The following LRMDA variants were observed in gnomAD, a reference collection of about 807,000 sequenced individuals.
LRMDA encodes leucine-rich melanocyte differentiation-associated protein.
Under a neutral mutation model 29.8 loss-of-function variants are expected in LRMDA, and 18 were observed. The observed-to-expected ratio is 0.60, with a 90% CI of 0.42 to 0.90. LRMDA has a LOEUF of 0.90. LRMDA is among the 40% of genes least tolerant of loss of function. The probability of loss-of-function intolerance (pLI) is 0.00; values close to 1 mark genes in which losing one functional copy is unlikely to be tolerated. For synonymous variants in LRMDA, 125 were observed against 109.4 expected (o/e 1.14, Z -0.89); for missense variants, 273 against 273.9 (o/e 1.00, Z 0.02).
chr10:75,499,536 GAAGTA>G (rs1845088224), intron 2 of LRMDA, among the ~76,000 whole-genome samples: 1 of 152,218 alleles, frequency 6.6e-6, no homozygotes, highest in Non-Finnish European at 1.5e-5. Flanking sequence ...AAGTTTACAT[GAAGTA>G]AGGGGTGTGC....
chr10:76,476,127 G>C (rs1181755819), intron 6 of LRMDA, among the ~76,000 whole-genome samples: 4 of 151,992 alleles, frequency 2.6e-5, no homozygotes, highest in Non-Finnish European at 5.9e-5. Context: ...TTTTTGAAAA[G>C]ATCAACAAAA....
intron 2 of LRMDA, among the ~76,000 whole-genome samples, chr10:75,737,863 G>A: frequency 6.6e-6 from 1 of 152,190 alleles, no homozygotes; most frequent in East Asian, 1.9e-4. Context: ...ATTTCTGGGT[G>A]AAGTGAGTTT....
rs72058186 is a variant in LRMDA, at chr10:75,493,350, T to TGG, written c.131+54857_131+54858insGG. ...AGAGCCATAGAGGGTTGAGATTGGGTGTGTGTGTGTGTGTGTGTGTGTGTG... is the reference window on the plus strand; with the variant it reads ...AGAGCCATAGAGGGTTGAGATTGGGTGGGTGTGTGTGTGTGTGTGTGTGTGTG... On this transcript the variant is annotated intron_variant, in intron 2 of 6. Coordinates refer to ENST00000611255, the MANE Select transcript of LRMDA (RefSeq NM_001305581.2). Among the ~76,000 whole-genome samples, 826 of 138,590 alleles carry TGG rather than the reference T, an allele frequency of 6.0e-3. 5 individuals are homozygous for TGG. The highest frequency in any genetic ancestry group is 0.013 in the East Asian group (57 of 4,426). 90.9% of individuals were successfully genotyped at this position (138,590 alleles called of 152,430 possible).
At chr10:75,773,711 G>A (rs1190350645) in intron 2 of LRMDA, among the ~76,000 whole-genome samples, 1 of 152,160 alleles carries the variant, frequency 6.6e-6, no homozygotes, top group Non-Finnish European at 1.5e-5. Context: ...CTCCCCTCTT[G>A]TCAGTTCCCT....
At chr10:75,647,298 A>G (rs916565427) in intron 2 of LRMDA, among the ~76,000 whole-genome samples, 3 of 152,148 alleles carry the variant, frequency 2.0e-5, no homozygotes, top group Non-Finnish European at 2.9e-5. Context: ...TGTTACTAAA[A>G]TCTTTGGCTG....
At chr10:76,175,752 C>A (rs929149512) in intron 5 of LRMDA, among the ~76,000 whole-genome samples, 2 of 152,148 alleles carry the variant, frequency 1.3e-5, no homozygotes, top group Non-Finnish European at 2.9e-5. Flanking sequence ...GCAGGGCAGA[C>A]CCTGCAAACA....
At position 76,557,723 on chromosome 10, in the gene LRMDA, G is replaced by A. The variant is rs1843576107; in HGVS notation, c.*435G>A. 2 of 172,908 alleles carry A rather than the reference G, an allele frequency of 1.2e-5. No homozygotes were observed. The highest frequency in any genetic ancestry group is 2.5e-5 in the Non-Finnish European group (2 of 80,886). 10.7% of individuals were successfully genotyped at this position (172,908 alleles called of 1,614,324 possible). A position where few individuals can be genotyped will look rare whatever the true frequency, so the allele number is the denominator to read the frequency against. On this transcript the variant is annotated 3_prime_UTR_variant, in exon 7 of 7. Coordinates refer to ENST00000611255, the MANE Select transcript of LRMDA (RefSeq NM_001305581.2). ...GAATTGAAATCCCTCTGATACCATC[G>A]TGCTGTGGGCTTATTTTTAGTGAAA...
intron 6 of LRMDA, among the ~76,000 whole-genome samples, chr10:76,531,538 A>G (rs1488271560): frequency 6.6e-6 from 1 of 152,128 alleles, no homozygotes; most frequent in African/African-American, 2.4e-5. Flanking sequence ...TTCTGCATCA[A>G]TTGAAATGAT....
intron 6 of LRMDA, among the ~76,000 whole-genome samples, chr10:76,368,603 T>C (rs547182875): frequency 6.2e-4 from 94 of 152,288 alleles, no homozygotes; most frequent in South Asian, 2.3e-3. Flanking sequence ...GTTTTGTATA[T>C]ATTTGTTGAG....
At chr10:76,069,340 A>T in intron 5 of LRMDA, among the ~76,000 whole-genome samples, 1 of 152,236 alleles carries the variant, frequency 6.6e-6, no homozygotes, top group East Asian at 1.9e-4. Context: ...AGAGTGTCTT[A>T]GATGAACAGA....
intron 5 of LRMDA, among the ~76,000 whole-genome samples, chr10:76,126,801 G>C (rs1483437381): frequency 6.6e-6 from 1 of 152,212 alleles, no homozygotes; most frequent in African/African-American, 2.4e-5. Flanking sequence ...AACCACAAGA[G>C]AGCTGTGGTT....
intron 6 of LRMDA, among the ~76,000 whole-genome samples, chr10:76,330,671 C>CCAGTA (rs1840894046): frequency 6.6e-6 from 1 of 152,164 alleles, no homozygotes; most frequent in African/African-American, 2.4e-5. Flanking sequence ...TGAGGCCCTT[C>CCAGTA]CAGTGTCTTT....
intron 6 of LRMDA, among the ~76,000 whole-genome samples, chr10:76,347,422 T>C (rs527264909): frequency 1.2e-4 from 19 of 152,156 alleles, no homozygotes; most frequent in Non-Finnish European, 2.5e-4. Flanking sequence ...AAATGCCATT[T>C]AGAGAAAGCA....
intron 6 of LRMDA, 73 bp downstream of exon 6, chr10:76,324,558 T>A (rs1840811690): frequency 7.5e-7 from 1 of 1,336,036 alleles, no homozygotes; most frequent in Non-Finnish European, 1.1e-6. Flanking sequence ...CTCTGGCTCA[T>A]TACTGCTGCC....
chr10:76,043,121 CA>C (rs1443270919), intron 3 of LRMDA, among the ~76,000 whole-genome samples: 1 of 149,206 alleles, frequency 6.7e-6, no homozygotes, highest in African/African-American at 2.5e-5. Context: ...GACTCTGTCT[CA>C]AAAAAAAAGA....
chr10:75,967,133 G>A (rs941046386), intron 2 of LRMDA, among the ~76,000 whole-genome samples: 2 of 152,186 alleles, frequency 1.3e-5, no homozygotes, highest in Non-Finnish European at 2.9e-5. Flanking sequence ...CAGGTTTTGT[G>A]CGGTAGAGCT....
At chr10:76,318,902 G>C (rs991773882) in intron 5 of LRMDA, 1 of 152,078 alleles carries the variant, frequency 6.6e-6, no homozygotes, top group Admixed American at 6.6e-5. Flanking sequence ...TACAGTCATG[G>C]TATGTAGTTT....
intron 2 of LRMDA, among the ~76,000 whole-genome samples, chr10:75,728,436 G>A (rs1175068382): frequency 6.7e-6 from 1 of 148,492 alleles, no homozygotes; most frequent in Non-Finnish European, 1.5e-5. Context: ...CTGTGTGTGT[G>A]TGTGTGTGTG....
intron 5 of LRMDA, among the ~76,000 whole-genome samples, chr10:76,197,051 A>G (rs1851342905): frequency 1.3e-5 from 2 of 152,140 alleles, no homozygotes; most frequent in South Asian, 4.1e-4. Flanking sequence ...TTCCTCTTTC[A>G]CATAATTCTT....
Sources: allele counts gnomAD v4.1 joint callset (sites outside exome capture counted in the v4.1 genomes callset), GRCh38; gene constraint gnomAD v4.1.1; transcripts MANE v1.5; gene names NCBI Gene and HGNC (gene_info 2026-07-23, HGNC 2026-07-21).